The following BLK variants were observed in gnomAD, a reference collection of about 807,000 sequenced individuals.
The protein encoded by BLK is BLK proto-oncogene, Src family tyrosine kinase.
In BLK, 64 loss-of-function variants were observed where a neutral mutation model predicts 61.8. That is an observed-to-expected ratio of 1.03 (90% CI 0.85 to 1.27). The LOEUF (loss-of-function observed/expected upper bound fraction) is 1.27, where lower values mean the gene tolerates loss of function less well. Ranked by LOEUF, BLK falls within the 50% of genes most tolerant of loss-of-function variation. The probability of loss-of-function intolerance (pLI) is 0.00; values close to 1 mark genes in which losing one functional copy is unlikely to be tolerated. For missense variants in BLK, 853 were observed against 660.5 expected (o/e 1.29, Z -3.19); for synonymous variants, 351 against 272.0 (o/e 1.29, Z -2.86).
intron 4 of BLK, among the ~76,000 whole-genome samples, chr8:11,548,530 C>G (rs1800750360): frequency 6.6e-6 from 1 of 152,230 alleles, no homozygotes; most frequent in Non-Finnish European, 1.5e-5. Context: ...ACCAATCCCG[C>G]TTTAGCTCAT....
chr8:11,534,163 T>C (rs1314888218), intron 1 of BLK, among the ~76,000 whole-genome samples: 1 of 152,238 alleles, frequency 6.6e-6, no homozygotes, highest in Non-Finnish European at 1.5e-5. Context: ...TTCAGAACTA[T>C]TGTGCCAAAG....
intron 10 of BLK, chr8:11,560,937 T>TGCTCCC (rs1801477930): frequency 2.1e-6 from 1 of 482,302 alleles, no homozygotes; most frequent in East Asian, 5.9e-5. Flanking sequence ...CCTTGCCTCC[T>TGCTCCC]GCTCCCCCTC....
intron 1 of BLK, among the ~76,000 whole-genome samples, chr8:11,521,609 C>A (rs944900073): frequency 2.0e-5 from 3 of 152,164 alleles, no homozygotes; most frequent in Non-Finnish European, 2.9e-5. Flanking sequence ...TGTCTTTAAT[C>A]AATTTGGATT....
intron 1 of BLK, among the ~76,000 whole-genome samples, chr8:11,504,588 G>C (rs1414156981): frequency 1.3e-5 from 2 of 152,168 alleles, no homozygotes; most frequent in Non-Finnish European, 2.9e-5. Flanking sequence ...TCTTTTATCA[G>C]TCTTCGTAGC....
At chr8:11,515,166 G>C (rs1321570390) in intron 1 of BLK, among the ~76,000 whole-genome samples, 1 of 152,214 alleles carries the variant, frequency 6.6e-6, no homozygotes, top group Non-Finnish European at 1.5e-5. Flanking sequence ...AAGCTCTCGA[G>C]TGGGGTGTGC....
chr8:11,523,552 C>G (rs1799536811), intron 1 of BLK, among the ~76,000 whole-genome samples: 1 of 151,468 alleles, frequency 6.6e-6, no homozygotes, highest in Non-Finnish European at 1.5e-5. Flanking sequence ...GACTCCATCT[C>G]AAAACAAACA....
At chr8:11,525,728 G>C (rs946763799) in intron 1 of BLK, among the ~76,000 whole-genome samples, 3 of 152,166 alleles carry the variant, frequency 2.0e-5, no homozygotes, top group Non-Finnish European at 4.4e-5. Context: ...AGCAAGGAAT[G>C]GAGCAGCTTT....
At chr8:11,550,302 C>T (rs1800844404) in intron 6 of BLK, 40 bp downstream of exon 6, 3 of 1,597,710 alleles carry the variant, frequency 1.9e-6, no homozygotes, top group Non-Finnish European at 2.6e-6. Flanking sequence ...TGCCCTGCTC[C>T]TCCCGGGAAG....
chr8:11,529,434 T>C (rs185983416), intron 1 of BLK, among the ~76,000 whole-genome samples: 1 of 152,102 alleles, frequency 6.6e-6, no homozygotes, highest in East Asian at 1.9e-4. Flanking sequence ...AGTCAATTCC[T>C]GGGTGGGAGC....
At chr8:11,539,972 C>T (rs1395972129) in intron 1 of BLK, among the ~76,000 whole-genome samples, 1 of 152,150 alleles carries the variant, frequency 6.6e-6, no homozygotes, top group African/African-American at 2.4e-5. Context: ...GCTTTGCAAT[C>T]TCTTACCCAA....
chr8:11,563,108 C>A lies in BLK; in HGVS notation c.1310C>A (p.Pro437Gln), dbSNP rs970724923. The change falls in exon 12 of 13, where the codon CCA (proline) becomes CAA (glutamine). Residue 437 changes from proline to glutamine, a missense_variant and splice_region_variant. Transcript: ENST00000259089. ...EVVTYGRVPYPGMSNPEVIRN... is the reference protein window; with the variant it reads ...EVVTYGRVPYQGMSNPEVIRN... ...GTCACTTATGGGCGGGTGCCATACC[C>A]AGGTAGGTGGCTCACCCCGCAGCTC... is the stretch of plus-strand genomic sequence containing the variant. 5 of 1,613,722 alleles carry A rather than the reference C, an allele frequency of 3.1e-6. No individual in the cohort carries two copies. The highest frequency in any genetic ancestry group is 2.2e-5 in the East Asian group (1 of 44,880).
chr8:11,514,980 A>G (rs1447803072), intron 1 of BLK, among the ~76,000 whole-genome samples: 2 of 152,130 alleles, frequency 1.3e-5, no homozygotes, highest in Admixed American at 1.3e-4. Flanking sequence ...TGAGGCACGC[A>G]CATGACTTTC....
At chr8:11,518,276 G>C (rs145294586) in intron 1 of BLK, among the ~76,000 whole-genome samples, 1 of 152,146 alleles carries the variant, frequency 6.6e-6, no homozygotes, top group Non-Finnish European at 1.5e-5. Context: ...CTTTTTAGAC[G>C]GTGCATCCTG....
chr8:11,556,960 A>T, intron 9 of BLK, 123 bp downstream of exon 9: 2 of 773,078 alleles, frequency 2.6e-6, no homozygotes, highest in South Asian at 1.6e-5. Flanking sequence ...AGGGCATGGC[A>T]CGGTGTGGGG....
intron 1 of BLK, among the ~76,000 whole-genome samples, chr8:11,508,875 C>G (rs1360324580): frequency 6.6e-6 from 1 of 152,172 alleles, no homozygotes; most frequent in Non-Finnish European, 1.5e-5. Context: ...GAGGGGTTTT[C>G]TCAGGGCTCG....
At chr8:11,530,409 C>T (rs369520654) in intron 1 of BLK, among the ~76,000 whole-genome samples, 20 of 152,346 alleles carry the variant, frequency 1.3e-4, no homozygotes, top group African/African-American at 3.6e-4. Flanking sequence ...CTTTCATCAT[C>T]TCTGTAGGTC....
chr8:11,537,648 A>T (rs149193391), intron 1 of BLK, among the ~76,000 whole-genome samples: 1 of 152,312 alleles, frequency 6.6e-6, no homozygotes, highest in African/African-American at 2.4e-5. Context: ...CACCTTCAGC[A>T]TGACCTTACC....
At chr8:11,531,265 T>C (rs1799876784) in intron 1 of BLK, among the ~76,000 whole-genome samples, 1 of 152,236 alleles carries the variant, frequency 6.6e-6, no homozygotes, top group South Asian at 2.1e-4. Flanking sequence ...ATTTAGCTAT[T>C]TCTTTTCTTA....
chr8:11,501,489 T>C (rs1187379399), intron 1 of BLK, among the ~76,000 whole-genome samples: 2 of 152,182 alleles, frequency 1.3e-5, no homozygotes, highest in African/African-American at 2.4e-5. Flanking sequence ...GATAGGCATC[T>C]TGTAGATGAA....
Sources: gnomAD v4.1 joint callset for allele counts (sites outside exome capture counted in the v4.1 genomes callset) on GRCh38, gnomAD v4.1.1 for gene constraint, MANE v1.5 for transcripts, NCBI Gene and HGNC (gene_info 2026-07-23, HGNC 2026-07-21) for gene names.